Variants in ADAM17 observed in about 807,000 individuals in gnomAD.
ADAM17 encodes disintegrin and metalloproteinase domain-containing protein 17.
In ADAM17, 39 loss-of-function variants were observed where a neutral mutation model predicts 96.7. That is an observed-to-expected ratio of 0.40 (90% CI 0.31 to 0.53). ADAM17 has a LOEUF of 0.53. ADAM17 is among the 20% of genes least tolerant of loss of function. ADAM17 has a pLI of 0.44. For synonymous variants in ADAM17, 344 were observed against 359.2 expected (o/e 0.96, Z 0.48); for missense variants, 777 against 1,013.2 (o/e 0.77, Z 3.17).
intron 13 of ADAM17, among the ~76,000 whole-genome samples, chr2:9,501,637 T>C (rs966032451): frequency 1.3e-4 from 20 of 152,204 alleles, no homozygotes; most frequent in Non-Finnish European, 1.8e-4. Flanking sequence ...TGGTTACCCT[T>C]CTAACTTGTA....
rs1361511239 is a variant in ADAM17 at position 9,492,700 on chromosome 2, A to AAAT, written c.2082+195_2082+197dup. On this transcript the variant is annotated intron_variant, in intron 17 of 18. Transcript: ENST00000310823. ...TATATATTAAAACACCAACACACAAAAATAGTATTTTTTTTAAAAGACCAT... is the reference window on the plus strand; with the variant it reads ...TATATATTAAAACACCAACACACAAAAATAATAGTATTTTTTTTAAAAGACCAT... 7.9e-5 allele frequency among the ~76,000 whole-genome samples: 12 copies of AAAT among 152,302 alleles called. No homozygotes were observed. In the East Asian group the frequency reaches 2.1e-3, roughly 27 times the overall value.
At chr2:9,530,390 T>C (rs908973921) in intron 4 of ADAM17, among the ~76,000 whole-genome samples, 4 of 152,220 alleles carry the variant, frequency 2.6e-5, no homozygotes, top group Non-Finnish European at 5.9e-5. Flanking sequence ...ACAAGTACCC[T>C]GAGCATAACC....
rs1481819665 is a variant in ADAM17 at position 9,489,514 on chromosome 2, T to C, written c.*663A>G. Reference sequence around the variant, plus strand: ...GGTAGATTCCATAAATTCAACTGGCTACCATGTATAGCCCTCACTGTAAGG... The same window carrying C: ...GGTAGATTCCATAAATTCAACTGGCCACCATGTATAGCCCTCACTGTAAGG... On this transcript the variant is annotated 3_prime_UTR_variant, in exon 19 of 19. Coordinates refer to ENST00000310823, the MANE Select transcript of ADAM17 (RefSeq NM_003183.6). 1 of 152,410 alleles carries C rather than the reference T, an allele frequency of 6.6e-6. No homozygotes were observed. Among genetic ancestry groups the C allele is most frequent in the Non-Finnish European group, 1.5e-5 (1 of 68,016 alleles). 9.4% of individuals were successfully genotyped at this position (152,410 alleles called of 1,614,324 possible).
At chr2:9,537,718 T>C (rs936381139) in intron 2 of ADAM17, among the ~76,000 whole-genome samples, 2 of 149,938 alleles carry the variant, frequency 1.3e-5, no homozygotes, top group African/African-American at 4.9e-5. Context: ...AGACTCCCGC[T>C]CAAAATAAGA....
rs55664901 is a variant in ADAM17, at chr2:9,505,030, G to A, written c.1544+136C>T. 1.4e-3 allele frequency: 1,378 copies of A among 978,562 alleles called. 14 individuals are homozygous for A. In the East Asian group the frequency reaches 0.019, roughly 13 times the overall value. 60.6% of individuals were successfully genotyped at this position (978,562 alleles called of 1,614,324 possible). A position where few individuals can be genotyped will look rare whatever the true frequency, so the allele number is the denominator to read the frequency against. On this transcript the variant is annotated intron_variant, in intron 12 of 18. Transcript: ENST00000310823. ...AGAAAGCAATTTCTTGCTGTGAAGG[G>A]CAAAAGAGGTAGATGTAAACAAACA...
chr2:9,496,921 G>T (rs1253891695), intron 14 of ADAM17, among the ~76,000 whole-genome samples, 193 bp downstream of exon 14: 1 of 152,158 alleles, frequency 6.6e-6, no homozygotes, highest in Non-Finnish European at 1.5e-5. Flanking sequence ...AACAGGATAG[G>T]TCTCCCAGGT....
At chr2:9,538,418 G>A (rs1261528913) in intron 2 of ADAM17, among the ~76,000 whole-genome samples, 7 of 152,094 alleles carry the variant, frequency 4.6e-5, no homozygotes, top group African/African-American at 1.7e-4. Flanking sequence ...TTTTTTAATG[G>A]TCAAAGGGAA....
At chr2:9,492,070 G>A (rs1662201666) in intron 17 of ADAM17, among the ~76,000 whole-genome samples, 1 of 152,184 alleles carries the variant, frequency 6.6e-6, no homozygotes, top group South Asian at 2.1e-4. Flanking sequence ...CTGTGAGATG[G>A]CCCCTAGGCA....
chr2:9,510,693 A>G, intron 10 of ADAM17, among the ~76,000 whole-genome samples: 1 of 150,582 alleles, frequency 6.6e-6, no homozygotes, highest in South Asian at 2.1e-4. Context: ...TTAGCCAGGC[A>G]TGGTGGTGCA....
chr2:9,515,196 A>C (rs1014607686), intron 10 of ADAM17, among the ~76,000 whole-genome samples: 14 of 152,246 alleles, frequency 9.2e-5, no homozygotes, highest in Non-Finnish European at 1.5e-4. Context: ...GCAATCACTG[A>C]TCATTTTATA....
At chr2:9,533,986 T>A (rs1664855174) in intron 4 of ADAM17, among the ~76,000 whole-genome samples, 1 of 152,192 alleles carries the variant, frequency 6.6e-6, no homozygotes, top group Non-Finnish European at 1.5e-5. Context: ...GACTATTACC[T>A]ATCATCCAGA....
chr2:9,521,804 G>C (rs1435720900), intron 7 of ADAM17: 1 of 120,638 alleles, frequency 8.3e-6, no homozygotes, highest in Non-Finnish European at 1.9e-5. Context: ...AGATAAAGAA[G>C]GAAACCATGC....
intron 11 of ADAM17, among the ~76,000 whole-genome samples, chr2:9,507,733 T>C (rs1663495977): frequency 6.6e-6 from 1 of 152,166 alleles, no homozygotes; most frequent in Admixed American, 6.5e-5. Context: ...CTTTTTCCTT[T>C]TTTTGAGATA....
Position 9,505,147 on chromosome 2 carries a change from C to T in ADAM17, c.1544+19G>A. ...TTGTTATACCAACTTCCCAAAATCC[C>T]TGTGGAGAGACTCCTCACCTGCACT... On this transcript the variant is annotated intron_variant, in intron 12 of 18. Coordinates refer to ENST00000310823, the MANE Select transcript of ADAM17 (RefSeq NM_003183.6). 1 of 1,613,770 alleles carries T rather than the reference C, an allele frequency of 6.2e-7. No individual in the cohort carries two copies. The highest frequency in any genetic ancestry group is 8.5e-7 in the Non-Finnish European group (1 of 1,179,740).
At chr2:9,531,570 C>T (rs1664741091) in intron 4 of ADAM17, among the ~76,000 whole-genome samples, 1 of 152,092 alleles carries the variant, frequency 6.6e-6, no homozygotes. Context: ...GGCACAGTGG[C>T]GTGTGCCTGT....
At chr2:9,543,382 T>C (rs1315134006) in intron 1 of ADAM17, 97 bp from the exon 2 acceptor site, 8 of 1,124,566 alleles carry the variant, frequency 7.1e-6, no homozygotes, top group Admixed American at 3.5e-5. Context: ...TTTCCTGATG[T>C]AATCCATTAG....
chr2:9,549,234 G>A (rs563115202), intron 1 of ADAM17, among the ~76,000 whole-genome samples: 46 of 152,118 alleles, frequency 3.0e-4, no homozygotes, highest in African/African-American at 1.1e-3. Flanking sequence ...AGCCAGGCGC[G>A]GTGGCAGGCA....
chr2:9,518,368 G>T, intron 8 of ADAM17, 121 bp from the exon 9 acceptor site: 1 of 1,207,656 alleles, frequency 8.3e-7, no homozygotes. Context: ...ATGGCATGCA[G>T]CTCAGCACCA....
rs1334014508 is a variant in ADAM17, at chr2:9,523,351, A to T, written c.754-13T>A. ...CAATTAGCTCTATCTGTGTGTATTTAAAAAAGAAAAAAGACATTATGTAAC... is the reference window on the plus strand; with the variant it reads ...CAATTAGCTCTATCTGTGTGTATTTTAAAAAGAAAAAAGACATTATGTAAC... On this transcript the variant is annotated splice_polypyrimidine_tract_variant and intron_variant, in intron 6 of 18. Transcript: ENST00000310823. 2 of 1,565,606 alleles carry T rather than the reference A, an allele frequency of 1.3e-6. No individual in the cohort carries two copies. Among genetic ancestry groups the T allele is most frequent in the Non-Finnish European group, 8.8e-7 (1 of 1,138,850 alleles).
Sources: allele counts gnomAD v4.1 joint callset (sites outside exome capture counted in the v4.1 genomes callset), GRCh38; gene constraint gnomAD v4.1.1; transcripts MANE v1.5; gene names NCBI Gene and HGNC (gene_info 2026-07-23, HGNC 2026-07-21).